The following ATXN1 variants were observed in gnomAD, a reference collection of about 807,000 sequenced individuals.
ATXN1 encodes ataxin 1, also known as ataxin-1.
In ATXN1, 8 loss-of-function variants were observed where a neutral mutation model predicts 56.4. That is an observed-to-expected ratio of 0.14 (90% CI 0.08 to 0.26). The LOEUF (loss-of-function observed/expected upper bound fraction) is 0.26. ATXN1 is among the 10% of genes least tolerant of loss of function. ATXN1 has a pLI of 1.00. For synonymous variants in ATXN1, 514 were observed against 494.6 expected (o/e 1.04, Z -0.52); for missense variants, 987 against 1,106.5 (o/e 0.89, Z 1.53).
chr6:16,506,922 G>A lies in ATXN1; in HGVS notation c.-299+15705C>T, dbSNP rs769525265. ...TAAACCAAAGGATGTAGGGATGTATGTACAGCTGGATGGATGAATGGACAG... is the reference window on the plus strand; with the variant it reads ...TAAACCAAAGGATGTAGGGATGTATATACAGCTGGATGGATGAATGGACAG... On this transcript the variant is annotated intron_variant, in intron 5 of 7. Transcript: ENST00000436367. The surrounding 1 kb of genome is among the most constrained non-coding windows in gnomAD (Gnocchi z 4.1). Among the ~76,000 whole-genome samples the A allele has an allele frequency of 1.1e-4, 17 of 152,232 alleles. No individual in the cohort carries two copies. The highest frequency in any genetic ancestry group is 4.1e-4 in the African/African-American group (17 of 41,454).
At chr6:16,623,065 C>G (rs1347595582) in intron 3 of ATXN1, among the ~76,000 whole-genome samples, 2 of 152,056 alleles carry the variant, frequency 1.3e-5, no homozygotes, top group African/African-American at 4.8e-5. Flanking sequence ...GTATTGTGTT[C>G]TGTCATTTGA....
In ATXN1 at chr6:16,691,358, TGAA is replaced by T. The variant is rs1312139281; in HGVS notation, c.-614-33460_-614-33458del. Among the ~76,000 whole-genome samples, 19 of 152,334 alleles carry T rather than the reference TGAA, an allele frequency of 1.2e-4. No individual in the cohort carries two copies. In the South Asian group the frequency reaches 1.7e-3, roughly 13 times the overall value. Reference sequence around the variant, plus strand: ...GCTGAATAAAAACTTCCACATGGAATGAAGAAGAAATATGCATAGTTTGAAAAT... The same window carrying T: ...GCTGAATAAAAACTTCCACATGGAATGAAGAAATATGCATAGTTTGAAAAT... On this transcript the variant is annotated intron_variant, in intron 2 of 7. Transcript: ENST00000436367.
chr6:16,430,054 G>T (rs2113579809), intron 6 of ATXN1, among the ~76,000 whole-genome samples: 1 of 152,216 alleles, frequency 6.6e-6, no homozygotes, highest in Non-Finnish European at 1.5e-5. Flanking sequence ...TTTGTGGCGG[G>T]TGTTGAGACT....
chr6:16,623,431 G>A lies in ATXN1; in HGVS notation c.-489+34345C>T, dbSNP rs74731559. Among the ~76,000 whole-genome samples, 598 of 152,226 alleles carry A rather than the reference G, an allele frequency of 3.9e-3. 19 individuals carry two copies. In the East Asian group the frequency reaches 0.066, roughly 17 times the overall value. On this transcript the variant is annotated intron_variant, in intron 3 of 7. Transcript: ENST00000436367. ...AAGTGTCAGTTCCATCTATCGCTTT[G>A]GTCAATTTCAAACTGTTCTTTGAAC...
At chr6:16,350,276 T>C (rs1761538114) in intron 6 of ATXN1, among the ~76,000 whole-genome samples, 1 of 152,200 alleles carries the variant, frequency 6.6e-6, no homozygotes, top group African/African-American at 2.4e-5. Context: ...ATGATGATAA[T>C]ACGTTTTCAA....
At chr6:16,701,291 C>T (rs957987538) in intron 2 of ATXN1, among the ~76,000 whole-genome samples, 9 of 152,330 alleles carry the variant, frequency 5.9e-5, no homozygotes, top group African/African-American at 1.9e-4. Flanking sequence ...CGATGGAGCA[C>T]CTATGCTCTG....
intron 4 of ATXN1, among the ~76,000 whole-genome samples, chr6:16,529,169 A>G (rs1462769738): frequency 4.7e-5 from 6 of 127,570 alleles, no homozygotes; most frequent in Middle Eastern, 4.1e-3. Context: ...ACACATCAAG[A>G]CTCTGTCAAA....
chr6:16,569,781 A>C (rs190582745), intron 4 of ATXN1, among the ~76,000 whole-genome samples: 451 of 152,308 alleles, frequency 3.0e-3, no homozygotes, highest in African/African-American at 0.01. Context: ...GACTATGTCC[A>C]CATGACTAAA....
chr6:16,739,273 T>G (rs1385663940), intron 2 of ATXN1: 1 of 152,282 alleles, frequency 6.6e-6, no homozygotes, highest in African/African-American at 2.4e-5. Context: ...TGATCAAATT[T>G]TTTTTGTATC....
chr6:16,594,482 TTTTTA>T (rs1762779645), intron 3 of ATXN1, among the ~76,000 whole-genome samples: 1 of 151,388 alleles, frequency 6.6e-6, no homozygotes, highest in Non-Finnish European at 1.5e-5. Flanking sequence ...CCTTTTTTTT[TTTTTA>T]TTTATTTATT....
intron 6 of ATXN1, among the ~76,000 whole-genome samples, chr6:16,345,942 T>C (rs1404269154): frequency 5.9e-5 from 9 of 152,094 alleles, no homozygotes; most frequent in Non-Finnish European, 7.4e-5. Flanking sequence ...CTTAATCAGG[T>C]ATTCATTCAA....
At chr6:16,417,637 G>A (rs1327827427) in intron 6 of ATXN1, among the ~76,000 whole-genome samples, 1 of 151,716 alleles carries the variant, frequency 6.6e-6, no homozygotes, top group Admixed American at 6.6e-5. Context: ...ACGGGGTTTC[G>A]CCATATTAGC....
intron 2 of ATXN1, among the ~76,000 whole-genome samples, chr6:16,661,997 T>C (rs1314913203): frequency 2.0e-5 from 3 of 152,220 alleles, no homozygotes; most frequent in Admixed American, 6.5e-5. Flanking sequence ...CACTAAGATT[T>C]GGAGTAATTA....
At chr6:16,546,996 G>A (rs1761826302) in intron 4 of ATXN1, among the ~76,000 whole-genome samples, 3 of 152,314 alleles carry the variant, frequency 2.0e-5, no homozygotes, top group Non-Finnish European at 4.4e-5. Flanking sequence ...CCCTCCCCTT[G>A]GGGAAGTTCT....
rs781205539 is a variant in ATXN1 at position 16,326,951 on chromosome 6, A to G, written c.1360T>C (p.Tyr454His). The G allele has an allele frequency of 2.0e-5, 33 of 1,614,016 alleles. No homozygotes were observed. The highest frequency in any genetic ancestry group is 4.2e-6 in the Non-Finnish European group (5 of 1,180,036). ...LPVGLPATAF[Y>H]AGTQPPVIGY... ...ATGACAGGGGGTTGAGTCCCTGCGT[A>G]GAAGGCCGTGGCTGGCAGTCCCACC... Residue 454 changes from tyrosine to histidine, a missense_variant, in exon 7 of 8, where the codon TAC becomes CAC. By Grantham distance (83) the Tyr-to-His change is moderately conservative. This residue lies in a region of ATXN1 where 723 missense variants were observed against 791.7 expected (regional missense o/e 0.91). Transcript: ENST00000436367. The surrounding 1 kb of genome is among the most constrained non-coding windows in gnomAD (Gnocchi z 6.6).
intron 6 of ATXN1, among the ~76,000 whole-genome samples, chr6:16,459,640 A>C (rs554529892): frequency 6.6e-6 from 1 of 152,124 alleles, no homozygotes; most frequent in Non-Finnish European, 1.5e-5. Flanking sequence ...GTTCCTCTGC[A>C]CTTGGACTCC....
rs115077346 is a variant in ATXN1 at position 16,533,665 on chromosome 6, A to G, written c.-360-10977T>C. Among the ~76,000 whole-genome samples, 1,079 of 152,310 alleles carry G rather than the reference A, an allele frequency of 7.1e-3. 5 individuals carry two copies. Among genetic ancestry groups the G allele is most frequent in the Non-Finnish European group, 0.012 (799 of 68,016 alleles). ...AATCCCTGTAATTAAGGCAAAGCCAACCTATCTTTCAGGATCACAGTGAAA... is the reference window on the plus strand; with the variant it reads ...AATCCCTGTAATTAAGGCAAAGCCAGCCTATCTTTCAGGATCACAGTGAAA... On this transcript the variant is annotated intron_variant, in intron 4 of 7. Coordinates refer to ENST00000436367, the MANE Select transcript of ATXN1 (RefSeq NM_001128164.2).
At chr6:16,494,313 A>G (rs1394822777) in intron 5 of ATXN1, among the ~76,000 whole-genome samples, 1 of 152,208 alleles carries the variant, frequency 6.6e-6, no homozygotes, top group Non-Finnish European at 1.5e-5. Flanking sequence ...GGAGTTATCC[A>G]TTGTAAAATT....
intron 4 of ATXN1, among the ~76,000 whole-genome samples, chr6:16,576,074 T>C (rs576987493): frequency 1.4e-4 from 21 of 151,408 alleles, no homozygotes; most frequent in African/African-American, 5.1e-4. Context: ...TGTGCTTTTC[T>C]AGGAAAATTG....
Sources: allele counts gnomAD v4.1 joint callset (sites outside exome capture counted in the v4.1 genomes callset), GRCh38; gene constraint gnomAD v4.1.1; regional missense constraint gnomAD v4.1.1; non-coding constraint Gnocchi (gnomAD v3.1); transcripts MANE v1.5; gene names NCBI Gene and HGNC (gene_info 2026-07-23, HGNC 2026-07-21).